The following CYP7B1 variants were observed in gnomAD, a reference collection of about 807,000 sequenced individuals.
The protein encoded by CYP7B1 is cytochrome P450 7B1.
CYP7B1 carries 29 observed loss-of-function variants against 42.7 expected under a neutral mutation model. That is an observed-to-expected ratio of 0.68 (90% CI 0.51 to 0.93). The LOEUF is 0.93. CYP7B1 is among the 40% of genes least tolerant of loss of function. CYP7B1 has a pLI of 0.00. For synonymous variants in CYP7B1, 235 were observed against 218.2 expected, an observed-to-expected ratio of 1.08 and a Z score of -0.68; for missense variants, 655 against 600.5, an observed-to-expected ratio of 1.09 and a Z score of -0.95.
chr8:64,706,124 T>A (rs1357253484), intron 1 of CYP7B1, among the ~76,000 whole-genome samples: 1 of 152,046 alleles, frequency 6.6e-6, no homozygotes, highest in Non-Finnish European at 1.5e-5. Context: ...TTATCTGGCA[T>A]AAGATTTCAG....
chr8:64,698,828 G>A (rs1361281643), intron 1 of CYP7B1, among the ~76,000 whole-genome samples: 2 of 151,978 alleles, frequency 1.3e-5, no homozygotes, highest in African/African-American at 4.8e-5. Flanking sequence ...AATATATAAT[G>A]GTGTGTTATA....
intron 1 of CYP7B1, among the ~76,000 whole-genome samples, chr8:64,748,282 C>G (rs1027921709): frequency 6.6e-6 from 1 of 152,152 alleles, no homozygotes; most frequent in Non-Finnish European, 1.5e-5. Flanking sequence ...TGCACACAGA[C>G]AGACACTCCC....
At chr8:64,613,681 T>G (rs1018193078) in intron 4 of CYP7B1, among the ~76,000 whole-genome samples, 4 of 152,176 alleles carry the variant, frequency 2.6e-5, no homozygotes, top group Non-Finnish European at 4.4e-5. Flanking sequence ...AATATTTGTA[T>G]TTTAGTAATG....
chr8:64,701,039 A>G (rs1269109542), intron 1 of CYP7B1, among the ~76,000 whole-genome samples: 1 of 152,062 alleles, frequency 6.6e-6, no homozygotes, highest in Non-Finnish European at 1.5e-5. Context: ...ATGAAGCTCC[A>G]GTAATTATTT....
intron 1 of CYP7B1, among the ~76,000 whole-genome samples, chr8:64,716,264 TAGTC>T (rs1188443864): frequency 6.6e-6 from 1 of 152,232 alleles, no homozygotes; most frequent in Non-Finnish European, 1.5e-5. Flanking sequence ...AATTCCATGT[TAGTC>T]AGATAGCATG....
Position 64,591,687 on chromosome 8 carries a change from C to T in CYP7B1, c.*4955G>A, listed in dbSNP as rs550809264. ...AATGGAGATGAAGTAAGGAAGTATGCCAGGAAAGCCAAAACAAGGCAGATA... is the reference window on the plus strand; with the variant it reads ...AATGGAGATGAAGTAAGGAAGTATGTCAGGAAAGCCAAAACAAGGCAGATA... On this transcript the variant is annotated 3_prime_UTR_variant, in exon 6 of 6. Transcript: ENST00000310193. Among the ~76,000 whole-genome samples the T allele has an allele frequency of 4.6e-5, 7 of 152,066 alleles. No homozygotes were observed. The highest frequency in any genetic ancestry group is 1.5e-5 in the Non-Finnish European group (1 of 68,016).
intron 1 of CYP7B1, among the ~76,000 whole-genome samples, chr8:64,748,812 C>G (rs919733658): frequency 2.0e-5 from 3 of 152,216 alleles, no homozygotes; most frequent in Non-Finnish European, 4.4e-5. Context: ...CCTTCATTCA[C>G]TCAACAAATA....
chr8:64,624,425 G>A lies in CYP7B1; in HGVS notation c.237C>T (p.Asp79=), dbSNP rs115900614. Residue 79 remains aspartate, a synonymous_variant, in exon 2 of 6, where the codon GAC becomes GAT. Coordinates refer to ENST00000310193, the MANE Select transcript of CYP7B1 (RefSeq NM_004820.5). ...FMKTLQKQHG[D]TFTVLLGGKY... ...TACCACCAAGAAGAACTGTGAAAGTGTCACCATGTTGCTTTTGAAGTGTTT... is the reference window on the plus strand; with the variant it reads ...TACCACCAAGAAGAACTGTGAAAGTATCACCATGTTGCTTTTGAAGTGTTT... The A allele has an allele frequency of 6.2e-7, 1 of 1,613,650 alleles. No individual in the cohort carries two copies. Among genetic ancestry groups the A allele is most frequent in the Non-Finnish European group, 8.5e-7 (1 of 1,179,908 alleles).
intron 1 of CYP7B1, among the ~76,000 whole-genome samples, chr8:64,795,463 T>C (rs1353692771): frequency 1.3e-5 from 2 of 152,216 alleles, no homozygotes; most frequent in African/African-American, 4.8e-5. Context: ...TTCACAAATA[T>C]GTATCCTGCC....
chr8:64,775,151 A>G (rs1251698246), intron 1 of CYP7B1, among the ~76,000 whole-genome samples: 1 of 150,124 alleles, frequency 6.7e-6, no homozygotes, highest in Non-Finnish European at 1.5e-5. Context: ...AATAAATTCC[A>G]TAAAAAAAAA....
intron 1 of CYP7B1, among the ~76,000 whole-genome samples, chr8:64,790,325 C>T (rs1438374216): frequency 6.6e-6 from 1 of 152,048 alleles, no homozygotes; most frequent in African/African-American, 2.4e-5. Flanking sequence ...TTCACTTCCA[C>T]CTAAAGGCAA....
At chr8:64,612,093 G>A (rs1327054031) in intron 4 of CYP7B1, among the ~76,000 whole-genome samples, 1 of 151,932 alleles carries the variant, frequency 6.6e-6, no homozygotes. Context: ...TTTACTGCTT[G>A]CATTATCTTT....
chr8:64,660,891 A>G (rs1215701883), intron 1 of CYP7B1, among the ~76,000 whole-genome samples: 1 of 152,172 alleles, frequency 6.6e-6, no homozygotes, highest in Non-Finnish European at 1.5e-5. Context: ...AGTGAGCAAT[A>G]CTCTAGAATT....
At chr8:64,796,942 G>C (rs1164803407) in intron 1 of CYP7B1, among the ~76,000 whole-genome samples, 44 of 152,108 alleles carry the variant, frequency 2.9e-4, no homozygotes, top group Admixed American at 2.9e-3. Context: ...CCAAACATTA[G>C]AAATAAGGAA....
At chr8:64,649,374 A>G (rs1000694450) in intron 1 of CYP7B1, among the ~76,000 whole-genome samples, 1 of 152,212 alleles carries the variant, frequency 6.6e-6, no homozygotes, top group Admixed American at 6.5e-5. Context: ...CTATGTTGTT[A>G]CATATTGCGG....
intron 1 of CYP7B1, among the ~76,000 whole-genome samples, chr8:64,770,246 A>T (rs900001362): frequency 3.9e-5 from 6 of 152,064 alleles, no homozygotes; most frequent in Non-Finnish European, 7.4e-5. Context: ...CTAAATCTCA[A>T]AAAAAAATTT....
At chr8:64,757,450 G>A (rs1453789979) in intron 1 of CYP7B1, among the ~76,000 whole-genome samples, 1 of 152,052 alleles carries the variant, frequency 6.6e-6, no homozygotes, top group East Asian at 1.9e-4. Flanking sequence ...ATAGTGAGAG[G>A]GAAAGTTCAG....
intron 1 of CYP7B1, among the ~76,000 whole-genome samples, chr8:64,680,889 T>A (rs1256994281): frequency 6.6e-6 from 1 of 152,168 alleles, no homozygotes; most frequent in Non-Finnish European, 1.5e-5. Context: ...CATCTTCACT[T>A]CAAGTATGCT....
intron 1 of CYP7B1, among the ~76,000 whole-genome samples, chr8:64,697,325 C>A (rs1373569018): frequency 6.6e-6 from 1 of 152,122 alleles, no homozygotes; most frequent in Non-Finnish European, 1.5e-5. Flanking sequence ...TAATGGGTTG[C>A]CACTTCTTGG....
Sources: gnomAD v4.1 joint callset for allele counts (sites outside exome capture counted in the v4.1 genomes callset) on GRCh38, gnomAD v4.1.1 for gene constraint, MANE v1.5 for transcripts, NCBI Gene and HGNC (gene_info 2026-07-23, HGNC 2026-07-21) for gene names.